NAALADL2: variants seen among roughly 807,000 people sequenced by gnomAD.
The protein encoded by NAALADL2 is N-acetylated alpha-linked acidic dipeptidase like 2.
In NAALADL2, 76 loss-of-function variants were observed where a neutral mutation model predicts 87.2. That is an observed-to-expected ratio of 0.87 (90% CI 0.72 to 1.05). The LOEUF is 1.05. NAALADL2 is among the 50% of genes least tolerant of loss of function. The pLI is 0.00. For missense variants in NAALADL2, 1,089 were observed against 945.8 expected (o/e 1.15, Z -1.99); for synonymous variants, 354 against 331.0 (o/e 1.07, Z -0.75).
At chr3:174,853,667 C>G (rs1015953021) in intron 3 of NAALADL2, among the ~76,000 whole-genome samples, 1 of 151,818 alleles carries the variant, frequency 6.6e-6, no homozygotes, top group Non-Finnish European at 1.5e-5. Flanking sequence ...ATGTAAAGAG[C>G]TCTAACAACT....
intron 1 of NAALADL2, among the ~76,000 whole-genome samples, chr3:174,864,272 C>A (rs1158061228): frequency 6.6e-6 from 1 of 151,972 alleles, no homozygotes; most frequent in Non-Finnish European, 1.5e-5. Context: ...CTAATTTTTT[C>A]TTTGTCTTTC....
At chr3:175,546,887 A>T (rs1230992889) in intron 9 of NAALADL2, among the ~76,000 whole-genome samples, 1 of 152,092 alleles carries the variant, frequency 6.6e-6, no homozygotes, top group African/African-American at 2.4e-5. Flanking sequence ...CTACAAGGAG[A>T]ACTACAAACC....
intron 5 of NAALADL2, among the ~76,000 whole-genome samples, chr3:175,439,774 T>C (rs906862594): frequency 1.3e-5 from 2 of 150,570 alleles, no homozygotes; most frequent in Admixed American, 1.3e-4. Context: ...TCCTTGTAGA[T>C]TCTGGATATT....
rs561532637 is a variant in NAALADL2, at chr3:175,341,067, G to A, written c.1090+16742G>A. Reference sequence around the variant, plus strand: ...ACCATTTTAAATACTGTTTTTTGTAGCGTATTCACAGAGTTCTGCAAAAAT... The same window carrying A: ...ACCATTTTAAATACTGTTTTTTGTAACGTATTCACAGAGTTCTGCAAAAAT... On this transcript the variant is annotated intron_variant, in intron 5 of 13. Coordinates refer to ENST00000454872, the MANE Select transcript of NAALADL2 (RefSeq NM_207015.3). 4.9e-4 allele frequency among the ~76,000 whole-genome samples: 74 copies of A among 151,652 alleles called. 2 individuals are homozygous for A. In the South Asian group the frequency reaches 0.011, roughly 23 times the overall value.
At chr3:174,966,199 A>G (rs574037939) in intron 1 of NAALADL2, among the ~76,000 whole-genome samples, 24 of 152,166 alleles carry the variant, frequency 1.6e-4, no homozygotes, top group Non-Finnish European at 3.2e-4. Flanking sequence ...TGCATAAATT[A>G]AGCTCTAGGT....
intron 2 of NAALADL2, among the ~76,000 whole-genome samples, chr3:174,592,327 G>C (rs910167933): frequency 1.3e-5 from 2 of 152,026 alleles, no homozygotes; most frequent in African/African-American, 4.8e-5. Context: ...ATCTAAACAT[G>C]TGTATGTCTC....
chr3:174,915,952 A>G (rs1238536205), intron 1 of NAALADL2, among the ~76,000 whole-genome samples: 1 of 152,128 alleles, frequency 6.6e-6, no homozygotes, highest in Non-Finnish European at 1.5e-5. Flanking sequence ...CACGTGTTGG[A>G]AGGAAATATT....
At chr3:174,556,630 T>C (rs1712857361) in intron 2 of NAALADL2, among the ~76,000 whole-genome samples, 1 of 152,184 alleles carries the variant, frequency 6.6e-6, no homozygotes, top group Non-Finnish European at 1.5e-5. Flanking sequence ...ATTATTTCCC[T>C]CAGGAAATAA....
chr3:174,923,704 A>G (rs1226975969), intron 1 of NAALADL2, among the ~76,000 whole-genome samples: 3 of 152,208 alleles, frequency 2.0e-5, no homozygotes, highest in African/African-American at 7.2e-5. Context: ...AAGAGAGAAC[A>G]TTATTTAAAG....
In NAALADL2 at chr3:175,013,639, C is replaced by G. The variant is rs185015129; in HGVS notation, c.44-83151C>G. 7.8e-4 allele frequency among the ~76,000 whole-genome samples: 119 copies of G among 152,012 alleles called. 1 individual carries two copies. The highest frequency in any genetic ancestry group is 2.5e-3 in the African/African-American group (105 of 41,470). ...TAATGAATTAATAAATTGCCTAATT[C>G]TTATGATAGCTCTCTTGATTAAATG... On this transcript the variant is annotated intron_variant, in intron 1 of 13. Transcript: ENST00000454872.
chr3:175,566,433 A>T (rs1717158504), intron 9 of NAALADL2, among the ~76,000 whole-genome samples: 1 of 152,218 alleles, frequency 6.6e-6, no homozygotes. Context: ...AGAATATCTC[A>T]GCACATTATT....
At chr3:175,708,852 A>G (rs1409346366) in intron 11 of NAALADL2, among the ~76,000 whole-genome samples, 1 of 152,058 alleles carries the variant, frequency 6.6e-6, no homozygotes, top group Non-Finnish European at 1.5e-5. Context: ...GAAGAGAAGA[A>G]ATATATGACT....
intron 2 of NAALADL2, among the ~76,000 whole-genome samples, chr3:174,598,432 T>C (rs34046072): frequency 0.51 from 78,025 of 151,994 alleles, 22,923 homozygotes; most frequent in Non-Finnish European, 0.68. Flanking sequence ...CTAAATGATA[T>C]ACACAGAACT....
intron 1 of NAALADL2, among the ~76,000 whole-genome samples, chr3:175,013,301 A>ATATATATATTTTTTTTTT (rs1553916905): frequency 1.4e-5 from 1 of 72,064 alleles, no homozygotes; most frequent in Non-Finnish European, 2.4e-5. Context: ...ATATATATAT[A>ATATATATATTTTTTTTTT]TTTTTTTTTT....
chr3:175,608,634 T>C (rs1194136243), intron 10 of NAALADL2, among the ~76,000 whole-genome samples: 1 of 152,056 alleles, frequency 6.6e-6, no homozygotes, highest in Non-Finnish European at 1.5e-5. Flanking sequence ...ATAACGATCG[T>C]GTAGGAGTTA....
chr3:175,589,822 C>T (rs1160335183), intron 10 of NAALADL2, among the ~76,000 whole-genome samples: 1 of 149,974 alleles, frequency 6.7e-6, no homozygotes, highest in Non-Finnish European at 1.5e-5. Flanking sequence ...AACCAAAAAC[C>T]TCCCCGAATG....
intron 2 of NAALADL2, among the ~76,000 whole-genome samples, chr3:174,561,688 G>A (rs1255946507): frequency 6.6e-6 from 1 of 152,158 alleles, no homozygotes; most frequent in Non-Finnish European, 1.5e-5. Flanking sequence ...CCTAGCAGAA[G>A]AATCAGAAGC....
intron 2 of NAALADL2, among the ~76,000 whole-genome samples, chr3:175,210,721 G>A (rs1372417151): frequency 6.6e-6 from 1 of 151,498 alleles, no homozygotes; most frequent in East Asian, 1.9e-4. Flanking sequence ...TTACATGACT[G>A]TACAACTCTA....
intron 3 of NAALADL2, among the ~76,000 whole-genome samples, chr3:174,776,838 A>G (rs1426835796): frequency 1.3e-5 from 2 of 152,144 alleles, no homozygotes; most frequent in African/African-American, 2.4e-5. Context: ...ACAAAGCTGC[A>G]TTGTTTGCAC....
Sources: gnomAD v4.1 joint callset for allele counts (sites outside exome capture counted in the v4.1 genomes callset) on GRCh38, gnomAD v4.1.1 for gene constraint, MANE v1.5 for transcripts, NCBI Gene and HGNC (gene_info 2026-07-23, HGNC 2026-07-21) for gene names.